Variants in SUGCT observed in about 807,000 individuals in gnomAD.
SUGCT encodes the protein succinyl-CoA:glutarate-CoA transferase.
A neutral mutation model predicts 55.0 loss-of-function variants in SUGCT; 41 were observed. The ratio of observed to expected loss-of-function variants is 0.74; its 90% CI spans 0.58 to 0.97. SUGCT has a LOEUF of 0.97. SUGCT is among the 50% of genes least tolerant of loss of function. The probability of loss-of-function intolerance (pLI) is 0.00; values close to 1 mark genes in which losing one functional copy is unlikely to be tolerated. For synonymous variants in SUGCT, 187 were observed against 200.4 expected (o/e 0.93, Z 0.56); for missense variants, 568 against 547.8 (o/e 1.04, Z -0.37).
At chr7:40,682,100 AG>A (rs1335056854) in intron 12 of SUGCT, among the ~76,000 whole-genome samples, 1 of 152,180 alleles carries the variant, frequency 6.6e-6, no homozygotes, top group Non-Finnish European at 1.5e-5. Flanking sequence ...TCTCAAGGCT[AG>A]CTAGGTGCCT....
chr7:40,763,895 G>A (rs1424157394), intron 13 of SUGCT, among the ~76,000 whole-genome samples: 3 of 152,118 alleles, frequency 2.0e-5, no homozygotes, highest in East Asian at 1.9e-4. Context: ...TCCCAGGAAG[G>A]GGGGAATGGG....
At chr7:40,243,791 C>G (rs371723203) in intron 7 of SUGCT, among the ~76,000 whole-genome samples, 1 of 152,090 alleles carries the variant, frequency 6.6e-6, no homozygotes, top group East Asian at 1.9e-4. Flanking sequence ...AATAAATGCT[C>G]CTCACAATTT....
the SUGCT span, among the ~76,000 whole-genome samples, chr7:40,989,764 G>A: frequency 6.6e-6 from 1 of 152,024 alleles, no homozygotes; most frequent in Non-Finnish European, 1.5e-5. Context: ...GAGTAAGACT[G>A]TCTTAAAAAC....
chr7:40,573,682 C>T (rs1037276198), intron 12 of SUGCT, among the ~76,000 whole-genome samples: 2 of 152,060 alleles, frequency 1.3e-5, no homozygotes, highest in African/African-American at 4.8e-5. Context: ...TCATTGTGTC[C>T]TACGGTTTTG....
the SUGCT span, among the ~76,000 whole-genome samples, chr7:41,009,019 T>A: frequency 2.0e-5 from 3 of 152,070 alleles, no homozygotes; most frequent in Non-Finnish European, 4.4e-5. Flanking sequence ...GGGACATGGC[T>A]TAAAAGTGAC....
At chr7:40,647,522 C>A (rs1293530674) in intron 12 of SUGCT, among the ~76,000 whole-genome samples, 1 of 152,070 alleles carries the variant, frequency 6.6e-6, no homozygotes, top group Non-Finnish European at 1.5e-5. Context: ...TATCATATAT[C>A]CAGCTTTAAT....
chr7:40,985,549 A>T, the SUGCT span, among the ~76,000 whole-genome samples: 1 of 152,198 alleles, frequency 6.6e-6, no homozygotes, highest in Non-Finnish European at 1.5e-5. Context: ...CAGCAGTTTT[A>T]CCTGGAAGAT....
chr7:40,860,265 T>G, intron 13 of SUGCT, 51 bp from the exon 14 acceptor site: 1 of 1,610,568 alleles, frequency 6.2e-7, no homozygotes, highest in Non-Finnish European at 8.5e-7. Context: ...GGTAATTAAT[T>G]TCGTAGGGTT....
intron 8 of SUGCT, among the ~76,000 whole-genome samples, chr7:40,304,973 C>T (rs1794772880): frequency 6.6e-6 from 1 of 152,240 alleles, no homozygotes; most frequent in Admixed American, 6.5e-5. Flanking sequence ...CTCTACCCAT[C>T]TGTGGGTCTT....
intron 12 of SUGCT, among the ~76,000 whole-genome samples, chr7:40,674,838 A>T (rs1783875806): frequency 6.6e-6 from 1 of 152,098 alleles, no homozygotes; most frequent in Non-Finnish European, 1.5e-5. Context: ...ATAGAAAATC[A>T]AGTCAGTGAT....
chr7:40,723,325 A>T (rs73310294), intron 12 of SUGCT, among the ~76,000 whole-genome samples: 12,763 of 152,150 alleles, frequency 0.084, 1,111 homozygotes, highest in East Asian at 0.3. Flanking sequence ...TTGAAAGCAG[A>T]TGATGGCTGT....
At position 40,651,464 on chromosome 7, in the gene SUGCT, C is replaced by T. The variant is rs559498128; in HGVS notation, c.1090-97970C>T. 2.0e-5 allele frequency among the ~76,000 whole-genome samples: 3 copies of T among 150,816 alleles called. No individual in the cohort carries two copies. In the South Asian group the frequency reaches 6.3e-4, roughly 32 times the overall value. On this transcript the variant is annotated intron_variant, in intron 12 of 13. Coordinates refer to ENST00000335693, the MANE Select transcript of SUGCT (RefSeq NM_001193313.2). ...TTTTTCTTGTGAATTTGTTTAAATT[C>T]CTTGTAGATTCTGGATATTAGACCT...
intron 9 of SUGCT, among the ~76,000 whole-genome samples, chr7:40,386,872 C>A (rs1785155907): frequency 1.3e-5 from 2 of 152,142 alleles, no homozygotes; most frequent in South Asian, 4.1e-4. Flanking sequence ...CTTGTAGGTG[C>A]CACAGACCAG....
At chr7:40,709,603 A>C (rs1190771487) in intron 12 of SUGCT, among the ~76,000 whole-genome samples, 1 of 152,162 alleles carries the variant, frequency 6.6e-6, no homozygotes, top group Admixed American at 6.5e-5. Context: ...CCTAGCATGG[A>C]GAAGTAACTG....
chr7:40,893,386 C>A, the SUGCT span, among the ~76,000 whole-genome samples: 3 of 152,130 alleles, frequency 2.0e-5, no homozygotes, highest in Non-Finnish European at 4.4e-5. Context: ...AATACATATT[C>A]TTTTCAAATG....
chr7:40,604,029 C>T (rs1285753286), intron 12 of SUGCT, among the ~76,000 whole-genome samples: 1 of 152,110 alleles, frequency 6.6e-6, no homozygotes, highest in Non-Finnish European at 1.5e-5. Context: ...AGGTGGCCAC[C>T]ATTTTTCAGT....
At chr7:40,885,303 C>T in the SUGCT span, among the ~76,000 whole-genome samples, 13,166 of 152,168 alleles carry the variant, frequency 0.087, 798 homozygotes, top group East Asian at 0.35. Flanking sequence ...TTGGCCTCAC[C>T]GCTCTACTGC....
intron 11 of SUGCT, among the ~76,000 whole-genome samples, chr7:40,489,356 A>G (rs914937481): frequency 6.7e-6 from 1 of 150,180 alleles, no homozygotes; most frequent in African/African-American, 2.5e-5. Context: ...GTTTCTCTGT[A>G]TTTTCTTTAA....
Position 40,807,995 on chromosome 7 carries a change from G to A in SUGCT, c.1154-52321G>A, listed in dbSNP as rs146550382. 5.1e-3 allele frequency among the ~76,000 whole-genome samples: 784 copies of A among 152,286 alleles called. 9 individuals are homozygous for A. Among genetic ancestry groups the A allele is most frequent in the African/African-American group, 0.018 (733 of 41,564 alleles). ...ACCCAGATTGAGGGTGGGTGGGTCTGCCTTTCCCAATCTACTGACTCAAAT... is the reference window on the plus strand; with the variant it reads ...ACCCAGATTGAGGGTGGGTGGGTCTACCTTTCCCAATCTACTGACTCAAAT... On this transcript the variant is annotated intron_variant, in intron 13 of 13. Coordinates refer to ENST00000335693, the MANE Select transcript of SUGCT (RefSeq NM_001193313.2).
Sources: gnomAD v4.1 joint callset for allele counts (sites outside exome capture counted in the v4.1 genomes callset) on GRCh38, gnomAD v4.1.1 for gene constraint, MANE v1.5 for transcripts, NCBI Gene and HGNC (gene_info 2026-07-23, HGNC 2026-07-21) for gene names.